Variants in FAF1 observed in about 807,000 individuals in gnomAD.
The protein encoded by FAF1 is Fas associated factor 1, also known as FAS-associated factor 1.
A neutral mutation model predicts 92.5 loss-of-function variants in FAF1; 25 were observed. That is an observed-to-expected ratio of 0.27 (90% CI 0.20 to 0.38). The LOEUF (loss-of-function observed/expected upper bound fraction) is 0.38. Among genes scored for constraint, FAF1 ranks in the 10% least tolerant of loss-of-function variants. FAF1 has a pLI of 1.00. For missense variants in FAF1, 636 were observed against 793.3 expected (o/e 0.80, Z 2.38); for synonymous variants, 234 against 273.2 (o/e 0.86, Z 1.42).
At chr1:50,578,872 T>A (rs1025826707) in intron 12 of FAF1, among the ~76,000 whole-genome samples, 2 of 152,036 alleles carry the variant, frequency 1.3e-5, no homozygotes, top group African/African-American at 4.8e-5. Flanking sequence ...TCTCATGGAG[T>A]TAAACTTTAG....
At chr1:50,564,734 G>C (rs192683451) in intron 13 of FAF1, among the ~76,000 whole-genome samples, 1 of 152,200 alleles carries the variant, frequency 6.6e-6, no homozygotes, top group Admixed American at 6.5e-5. Context: ...ATGAATCTGT[G>C]ATATGATAGG....
intron 4 of FAF1, among the ~76,000 whole-genome samples, chr1:50,787,718 G>C (rs1363405940): frequency 6.6e-6 from 1 of 151,980 alleles, no homozygotes; most frequent in African/African-American, 2.4e-5. Flanking sequence ...ACTTGATTAG[G>C]GTATTTTTTT....
At chr1:50,491,597 T>G in intron 16 of FAF1, 124 bp downstream of exon 16, 3 of 645,628 alleles carry the variant, frequency 4.6e-6, no homozygotes, top group Non-Finnish European at 8.3e-6. Context: ...ATATTCTTTC[T>G]GTTAACTAAA....
At chr1:50,858,058 CT>C in intron 1 of FAF1, 61 bp from the exon 2 acceptor site, 2 of 1,172,128 alleles carry the variant, frequency 1.7e-6, no homozygotes, top group South Asian at 2.7e-5. Context: ...GTAAATCAGA[CT>C]TAAAAATGTA....
At chr1:50,874,166 GT>G (rs1644551154) in intron 1 of FAF1, among the ~76,000 whole-genome samples, 1 of 152,026 alleles carries the variant, frequency 6.6e-6, no homozygotes. Context: ...TATTTTTGTT[GT>G]TAATACTTTA....
chr1:50,661,348 A>G (rs1655367138), intron 7 of FAF1, among the ~76,000 whole-genome samples: 1 of 152,172 alleles, frequency 6.6e-6, no homozygotes, highest in Non-Finnish European at 1.5e-5. Flanking sequence ...CTCAACATTT[A>G]AAATTTTTTG....
intron 4 of FAF1, among the ~76,000 whole-genome samples, chr1:50,762,864 C>G (rs1660386314): frequency 6.6e-6 from 1 of 152,174 alleles, no homozygotes; most frequent in Non-Finnish European, 1.5e-5. Context: ...TAAAGAGCTT[C>G]TGCACAGCAA....
chr1:50,929,999 AC>A, intron 1 of FAF1, among the ~76,000 whole-genome samples: 1 of 152,308 alleles, frequency 6.6e-6, no homozygotes, highest in East Asian at 1.9e-4. Context: ...AGATGCAAAT[AC>A]CTTCTTTTTT....
rs541222827 is a variant in FAF1, at chr1:50,958,598, A to C, written c.45+1169T>G. Among the ~76,000 whole-genome samples, 6 of 152,208 alleles carry C rather than the reference A, an allele frequency of 3.9e-5. No homozygotes were observed. In the South Asian group the frequency reaches 1.2e-3, roughly 32 times the overall value. ...GAGGCTGAGGCAGGAGAATGGCGTG[A>C]ACCTGGGAGGCGGAGCTTGCAATGA... On this transcript the variant is annotated intron_variant, in intron 1 of 18. Coordinates refer to ENST00000396153, the MANE Select transcript of FAF1 (RefSeq NM_007051.3).
Position 50,583,693 on chromosome 1 carries a change from T to C in FAF1, c.990A>G (p.Glu330=). ...CTGTAAATTGTAATAAGGCATCTCC[T>C]TCATTTTCTGCGTTTTCTGGCACTA... is the stretch of plus-strand genomic sequence containing the variant. ...SPMMPENAEN[E]GDALLQFTAE... The change falls in exon 11 of 19, where the codon GAA becomes GAG. Residue 330 remains glutamate (E), a synonymous_variant. Transcript: ENST00000396153. The surrounding 1 kb of genome is among the most constrained non-coding windows in gnomAD (Gnocchi z 4.2). 6.4e-7 allele frequency: 1 copy of C among 1,574,152 alleles called. No homozygotes were observed. The highest frequency in any genetic ancestry group is 8.6e-7 in the Non-Finnish European group (1 of 1,156,730).
At chr1:50,566,793 G>C (rs1212558060) in intron 13 of FAF1, among the ~76,000 whole-genome samples, 1 of 151,956 alleles carries the variant, frequency 6.6e-6, no homozygotes, top group South Asian at 2.1e-4. Context: ...TTCTCTAAAA[G>C]TTCAAAAACA....
At chr1:50,521,681 T>C (rs1647504563) in intron 15 of FAF1, among the ~76,000 whole-genome samples, 1 of 152,174 alleles carries the variant, frequency 6.6e-6, no homozygotes, top group South Asian at 2.1e-4. Flanking sequence ...AGTGGACAGG[T>C]TGGGCCAGCT....
chr1:50,785,225 A>C (rs1225330500), intron 4 of FAF1, among the ~76,000 whole-genome samples: 1 of 151,860 alleles, frequency 6.6e-6, no homozygotes, highest in Admixed American at 6.6e-5. Flanking sequence ...GATCTTGGCA[A>C]TGGTTTTTTG....
chr1:50,669,857 C>T (rs962553162), intron 7 of FAF1, among the ~76,000 whole-genome samples: 1 of 152,334 alleles, frequency 6.6e-6, no homozygotes, highest in East Asian at 1.9e-4. Context: ...CGCAGTGGCT[C>T]ACGCCTGTAA....
At chr1:50,694,288 G>A (rs2124400968) in intron 7 of FAF1, among the ~76,000 whole-genome samples, 1 of 151,216 alleles carries the variant, frequency 6.6e-6, no homozygotes, top group Admixed American at 6.6e-5. Flanking sequence ...ATTTTCATTA[G>A]GCAAAGGCAG....
intron 1 of FAF1, among the ~76,000 whole-genome samples, chr1:50,934,892 CTT>C (rs1645074549): frequency 6.6e-6 from 1 of 152,116 alleles, no homozygotes; most frequent in Admixed American, 6.5e-5. Flanking sequence ...AGCTATCACT[CTT>C]GTCACTGTTC....
chr1:50,663,037 G>A lies in FAF1; in HGVS notation c.658-7509C>T, dbSNP rs905924669. On this transcript the variant is annotated intron_variant, in intron 7 of 18. Transcript: ENST00000396153. ...GTAAAAGGTCAAACCTGGATTTTAC[G>A]ATAAAAGACAATTCCTAAAGTGCTA... Among the ~76,000 whole-genome samples the A allele has an allele frequency of 7.3e-5, 11 of 151,576 alleles. 1 individual carries two copies. The highest frequency in any genetic ancestry group is 2.0e-4 in the African/African-American group (8 of 40,938).
chr1:50,776,064 T>C (rs1406049089), intron 4 of FAF1, among the ~76,000 whole-genome samples: 1 of 152,166 alleles, frequency 6.6e-6, no homozygotes, highest in East Asian at 1.9e-4. Context: ...TCATTTTGAG[T>C]CAAACTGTGT....
rs1659306202 is a variant in FAF1 at position 50,739,599 on chromosome 1, C to CTTCG, written c.460-649_460-646dup. On this transcript the variant is annotated intron_variant, in intron 5 of 18. Coordinates refer to ENST00000396153, the MANE Select transcript of FAF1 (RefSeq NM_007051.3). Reference sequence around the variant, plus strand: ...AGTATATCCTTGCAAATAATATATACTTCGTTTCAGGGTCATCATGGCAAA... The same window carrying CTTCG: ...AGTATATCCTTGCAAATAATATATACTTCGTTCGTTTCAGGGTCATCATGGCAAA... Among the ~76,000 whole-genome samples the CTTCG allele has an allele frequency of 2.0e-5, 3 of 152,158 alleles. No individual in the cohort carries two copies. In the South Asian group the frequency reaches 6.2e-4, roughly 32 times the overall value.
Sources: gnomAD v4.1 joint callset for allele counts (sites outside exome capture counted in the v4.1 genomes callset) on GRCh38, gnomAD v4.1.1 for gene constraint, Gnocchi (gnomAD v3.1) non-coding constraint, MANE v1.5 for transcripts, NCBI Gene and HGNC (gene_info 2026-07-23, HGNC 2026-07-21) for gene names.